CST9L: variants seen among roughly 807,000 people sequenced by gnomAD.
The protein encoded by CST9L is cystatin 9 like.
A neutral mutation model predicts 13.2 loss-of-function variants in CST9L; 17 were observed. The observed-to-expected ratio is 1.29, with a 90% CI of 0.88 to 1.93. The LOEUF (loss-of-function observed/expected upper bound fraction) is 1.93, where lower values mean the gene tolerates loss of function less well. Among genes scored for constraint, CST9L ranks in the 30% most tolerant of loss-of-function variants. The pLI, the probability that CST9L is intolerant of heterozygous loss-of-function variation, is 0.00. For missense variants in CST9L, 170 were observed against 170.5 expected, an observed-to-expected ratio of 1.00 and a Z score of 0.02; for synonymous variants, 78 against 69.1, an observed-to-expected ratio of 1.13 and a Z score of -0.64.
At chr20:23,568,127 A>C in intron 1 of CST9L, 84 bp downstream of exon 1, 5 of 1,426,920 alleles carry the variant, frequency 3.5e-6, no homozygotes, top group Non-Finnish European at 4.9e-6. Flanking sequence ...CTCTTCAATA[A>C]GACCCCCTGT....
Position 23,564,855 on chromosome 20 carries a change from G to T in CST9L, c.*93C>A. On this transcript the variant is annotated 3_prime_UTR_variant, in exon 3 of 3. Transcript: ENST00000376979. ...AAATAGGATAACAAACAAGTCCAAAGCTGCTCAGCCACTGAAGAGTCCTCA... is the reference window on the plus strand; with the variant it reads ...AAATAGGATAACAAACAAGTCCAAATCTGCTCAGCCACTGAAGAGTCCTCA... 1.2e-6 allele frequency: 1 copy of T among 867,548 alleles called. No homozygotes were observed. The highest frequency in any genetic ancestry group is 2.0e-6 in the Non-Finnish European group (1 of 503,468). 53.7% of individuals were successfully genotyped at this position (867,548 alleles called of 1,614,324 possible).
At chr20:23,565,868 C>A in intron 2 of CST9L, 106 bp downstream of exon 2, 1 of 765,474 alleles carries the variant, frequency 1.3e-6, no homozygotes, top group Non-Finnish European at 2.4e-6. Flanking sequence ...GAGGCTGCTG[C>A]AGGCTCACTC....
rs1989089737 is a variant in CST9L, at chr20:23,566,032, CCA to C, written c.294_295del (p.Cys98TrpfsTer4). 3 of 1,612,140 alleles carry C rather than the reference CCA, an allele frequency of 1.9e-6. No individual in the cohort carries two copies. Among genetic ancestry groups the C allele is most frequent in the African/African-American group, 2.7e-5 (2 of 74,918 alleles). On this transcript the variant is annotated frameshift_variant, in exon 2 of 3. Transcript: ENST00000376979. LOFTEE classifies it high-confidence loss of function. The stretch of plus-strand genomic sequence containing the variant: ...GTTGTCAATGTCGTCTTCAAATTTC[CCA>C]CACCTAGTTCTCCCCAGCAGTAGCT...
intron 2 of CST9L, 150 bp from the exon 3 acceptor site, chr20:23,565,187 C>G: frequency 1.5e-6 from 1 of 664,546 alleles, no homozygotes; most frequent in South Asian, 1.7e-5. Context: ...GTGCTGCCCC[C>G]AAGCCTGAGT....
chr20:23,565,206 G>A (rs1286833021), intron 2 of CST9L, among the ~76,000 whole-genome samples, 169 bp from the exon 3 acceptor site: 1 of 152,176 alleles, frequency 6.6e-6, no homozygotes, highest in Non-Finnish European at 1.5e-5. Context: ...GTCCTGGGCT[G>A]TTCTGGAGAT....
intron 1 of CST9L, among the ~76,000 whole-genome samples, chr20:23,567,580 T>G (rs1989115822): frequency 6.6e-6 from 1 of 151,592 alleles, no homozygotes; most frequent in South Asian, 2.1e-4. Flanking sequence ...ACAGATGAAC[T>G]GTGCATTCCT....
chr20:23,566,062 A>G lies in CST9L; in HGVS notation c.266T>C (p.Met89Thr), dbSNP rs987413506. ...CCTAGTTCTCCCCAGCAGTAGCTCC[A>G]TTGAGAATACAGTCTTGGACTCCAC... Reference protein sequence around the residue: ...EQVESKTVFSMELLLGRTRCG... With the variant: ...EQVESKTVFSTELLLGRTRCG... The change falls in exon 2 of 3, where the codon ATG (methionine) becomes ACG (threonine). Residue 89 changes from methionine to threonine, a missense_variant. Met to Thr is a moderately conservative substitution (Grantham distance 81). Transcript: ENST00000376979. 6.2e-7 allele frequency: 1 copy of G among 1,605,622 alleles called. No individual in the cohort carries two copies. The highest frequency in any genetic ancestry group is 8.5e-7 in the Non-Finnish European group (1 of 1,172,190).
At chr20:23,565,151 G>T in intron 2 of CST9L, 114 bp from the exon 3 acceptor site, 1 of 756,742 alleles carries the variant, frequency 1.3e-6, no homozygotes, top group Non-Finnish European at 2.4e-6. Flanking sequence ...GTCAAGCAGT[G>T]GGAAGACGGG....
At chr20:23,567,569 C>A (rs1344704657) in intron 1 of CST9L, among the ~76,000 whole-genome samples, 1 of 150,566 alleles carries the variant, frequency 6.6e-6, no homozygotes, top group Non-Finnish European at 1.5e-5. Context: ...ATGCCTACAG[C>A]ACAGATGAAC....
Position 23,568,412 on chromosome 20 carries a change from C to G in CST9L, c.39G>C (p.Ala13=), listed in dbSNP as rs772221101. 4.0e-5 allele frequency: 65 copies of G among 1,613,980 alleles called. No individual in the cohort carries two copies. The highest frequency in any genetic ancestry group is 5.2e-5 in the Non-Finnish European group (61 of 1,180,006). Residue 13 remains alanine (A), a synonymous_variant, in exon 1 of 3, where the codon GCG becomes GCC. Coordinates refer to ENST00000376979, the MANE Select transcript of CST9L (RefSeq NM_080610.3). ...GGGAGCCTAAGAGAAGCAGCAGCAG[C>G]GCCCAGGACAGACCTCCCTTCCACG... ...GLPWKGGLSW[A]LLLLLLGSQI...
chr20:23,567,507 C>CGAAA (rs1989114236), intron 1 of CST9L, among the ~76,000 whole-genome samples: 1 of 110,648 alleles, frequency 9.0e-6, no homozygotes, highest in Non-Finnish European at 1.7e-5. Context: ...GATTCCATCT[C>CGAAA]AAAAAAAAAA....
rs889715248 is a variant in CST9L at position 23,566,546 on chromosome 20, C to T, written c.241-459G>A. On this transcript the variant is annotated intron_variant, in intron 1 of 2. Transcript: ENST00000376979. ...AAAAATGCAAGAATGCCACCCAGCA[C>T]TCCCACTACACACAGGCATACATCC... Among the ~76,000 whole-genome samples, 8 of 152,274 alleles carry T rather than the reference C, an allele frequency of 5.3e-5. 1 individual carries two copies. In the South Asian group the frequency reaches 1.2e-3, roughly 24 times the overall value.
Position 23,566,019 on chromosome 20 carries a change from G to A in CST9L, c.309C>T (p.Asp103=), listed in dbSNP as rs73904935. 1.9e-3 allele frequency: 2,988 copies of A among 1,611,072 alleles called. 47 individuals carry two copies. The African/African-American group carries it at 0.036, about 19-fold the overall frequency. Residue 103 remains aspartate, a synonymous_variant, in exon 2 of 3, where the codon GAC becomes GAT. Transcript: ENST00000376979. Reference sequence around the variant, plus strand: ...CTTGGAAATGGCAGTTGTCAATGTCGTCTTCAAATTTCCCACACCTAGTTC... The same window carrying A: ...CTTGGAAATGGCAGTTGTCAATGTCATCTTCAAATTTCCCACACCTAGTTC... The part of the protein sequence containing the change: ...LGRTRCGKFE[D]DIDNCHFQES...
intron 1 of CST9L, among the ~76,000 whole-genome samples, chr20:23,567,227 T>A (rs953654129): frequency 6.6e-6 from 1 of 152,024 alleles, no homozygotes; most frequent in African/African-American, 2.4e-5. Context: ...GTCCTCAACT[T>A]AGCTGGGTGC....
intron 1 of CST9L, among the ~76,000 whole-genome samples, chr20:23,567,200 T>C (rs912462385): frequency 6.6e-6 from 1 of 152,112 alleles, no homozygotes; most frequent in Non-Finnish European, 1.5e-5. Flanking sequence ...CATTTTTGCC[T>C]CTCTACCCAA....
intron 1 of CST9L, among the ~76,000 whole-genome samples, chr20:23,566,525 AT>A (rs1989098007): frequency 6.6e-6 from 1 of 151,952 alleles, no homozygotes; most frequent in Non-Finnish European, 1.5e-5. Context: ...GAAAAAAAAA[AT>A]GCAAGAATGC....
intron 1 of CST9L, among the ~76,000 whole-genome samples, 180 bp from the exon 2 acceptor site, chr20:23,566,267 G>A (rs940720999): frequency 1.3e-5 from 2 of 152,210 alleles, no homozygotes; most frequent in African/African-American, 4.8e-5. Context: ...AAAAGCGGAT[G>A]GGCATGGTGG....
intron 1 of CST9L, 105 bp downstream of exon 1, chr20:23,568,105 TG>T: frequency 2.6e-6 from 3 of 1,152,252 alleles, no homozygotes; most frequent in Non-Finnish European, 3.8e-6. Flanking sequence ...GGACTACAAC[TG>T]GTGAACAAGA....
At chr20:23,567,566 C>T (rs1240545610) in intron 1 of CST9L, among the ~76,000 whole-genome samples, 1 of 149,664 alleles carries the variant, frequency 6.7e-6, no homozygotes, top group South Asian at 2.1e-4. Flanking sequence ...TTCATGCCTA[C>T]AGCACAGATG....
Sources: allele counts gnomAD v4.1 joint callset (sites outside exome capture counted in the v4.1 genomes callset), GRCh38; gene constraint gnomAD v4.1.1; transcripts MANE v1.5; gene names NCBI Gene and HGNC (gene_info 2026-07-23, HGNC 2026-07-21).